Variants in NLRP13 observed in about 807,000 individuals in gnomAD.
The protein encoded by NLRP13 is NLR family pyrin domain containing 13, also known as NACHT, LRR and PYD domains-containing protein 13.
In NLRP13, 82 loss-of-function variants were observed where a neutral mutation model predicts 94.4. That is an observed-to-expected ratio of 0.87 (90% CI 0.73 to 1.04). The LOEUF (loss-of-function observed/expected upper bound fraction) is 1.04. Ranked by LOEUF, NLRP13 falls within the 50% of genes least tolerant of loss-of-function variation. NLRP13 has a pLI of 0.00. For synonymous variants in NLRP13, 553 were observed against 464.7 expected, an observed-to-expected ratio of 1.19 and a Z score of -2.45; for missense variants, 1,426 against 1,230.8, an observed-to-expected ratio of 1.16 and a Z score of -2.37.
chr19:55,897,609 G>A (rs187541205), intron 10 of NLRP13, among the ~76,000 whole-genome samples: 2 of 152,240 alleles, frequency 1.3e-5, no homozygotes, highest in Non-Finnish European at 2.9e-5. Context: ...TGATTTTTTT[G>A]AAGATAAACT....
At chr19:55,896,273 C>G (rs999418235) in intron 10 of NLRP13, among the ~76,000 whole-genome samples, 154 bp from the exon 11 acceptor site, 4 of 152,078 alleles carry the variant, frequency 2.6e-5, no homozygotes, top group South Asian at 4.2e-4. Flanking sequence ...GCCTGTAATC[C>G]CAGCACTTTG....
At chr19:55,927,498 A>C (rs565137839) in intron 1 of NLRP13, among the ~76,000 whole-genome samples, 1 of 150,292 alleles carries the variant, frequency 6.7e-6, no homozygotes, top group South Asian at 2.1e-4. Context: ...CCATTTGTAC[A>C]CCTGTGGAAG....
intron 10 of NLRP13, among the ~76,000 whole-genome samples, chr19:55,897,654 ATTTGGCACTG>A (rs757356188): frequency 2.6e-4 from 39 of 152,188 alleles, no homozygotes; most frequent in Non-Finnish European, 4.9e-4. Flanking sequence ...ACTATCTTAA[ATTTGGCACTG>A]CAGATAACGT....
Position 55,910,653 on chromosome 19 carries a change from A to C in NLRP13, c.2192T>G (p.Leu731Arg). ...ATGAAGTTTGCTGTTACTCAGGTCT[A>C]GCTCATGCAGATTCTCATTTGTGAC... ...TLVTNENLHE[L>R]DLSNSKLHAS... The change falls in exon 6 of 11, where the codon CTA becomes CGA. Residue 731 changes from leucine (L) to arginine (R), a missense_variant. Physicochemically the swap from Leu to Arg is moderately radical, Grantham distance 102. Transcript: ENST00000342929. 6.2e-7 allele frequency: 1 copy of C among 1,614,014 alleles called. No homozygotes were observed. The highest frequency in any genetic ancestry group is 1.1e-5 in the South Asian group (1 of 91,070).
intron 8 of NLRP13, among the ~76,000 whole-genome samples, chr19:55,902,564 C>T (rs1986217012): frequency 6.6e-6 from 1 of 152,220 alleles, no homozygotes; most frequent in Admixed American, 6.5e-5. Flanking sequence ...AGCTCCCGCA[C>T]TCCTTTCAGC....
chr19:55,911,936 T>G lies in NLRP13; in HGVS notation c.1881A>C (p.Glu627Asp). The G allele has an allele frequency of 6.2e-7, 1 of 1,614,184 alleles. No individual in the cohort carries two copies. Among genetic ancestry groups the G allele is most frequent in the Non-Finnish European group, 8.5e-7 (1 of 1,180,026 alleles). ...LKWGEELGKA[E>D]SASLQFHILR... The stretch of plus-strand genomic sequence containing the variant: ...GAATGTGAAATTGGAGAGAGGCACT[T>G]TCAGCCTTACCTAACTCTTCTCCCC... Residue 627 changes from glutamate (E) to aspartate (D), a missense_variant, in exon 5 of 11, where the codon GAA becomes GAC. Physicochemically the swap from Glu to Asp is conservative, Grantham distance 45 (BLOSUM62 2). Coordinates refer to ENST00000342929, the MANE Select transcript of NLRP13 (RefSeq NM_176810.2).
chr19:55,928,313 C>T (rs904100058), intron 1 of NLRP13, among the ~76,000 whole-genome samples: 1 of 152,200 alleles, frequency 6.6e-6, no homozygotes, highest in Non-Finnish European at 1.5e-5. Context: ...ACCCCATCTA[C>T]CCTGATGTGG....
At chr19:55,922,682 A>G (rs1986860918) in intron 4 of NLRP13, among the ~76,000 whole-genome samples, 1 of 152,194 alleles carries the variant, frequency 6.6e-6, no homozygotes, top group Admixed American at 6.5e-5. Context: ...GCCCTAGGAA[A>G]CTACTGTAGC....
intron 6 of NLRP13, 82 bp from the exon 7 acceptor site, chr19:55,908,038 T>C: frequency 8.0e-7 from 1 of 1,251,380 alleles, no homozygotes; most frequent in African/African-American, 1.5e-5. Flanking sequence ...CACCCTGCCT[T>C]CTACTACACT....
rs28434601 is a variant in NLRP13 at position 55,923,941 on chromosome 19, C to T, written c.496G>A (p.Glu166Lys). The change falls in exon 4 of 11, where the codon GAA becomes AAA. Residue 166 changes from glutamate (E) to lysine (K), a missense_variant. Transcript: ENST00000342929. ...QAQGCQDPNQ[E>K]EPEMLEEADH... is the part of the protein sequence containing the mutation. ...GCTTCCTCTAGCATCTCTGGTTCTT[C>T]TTGGTTTGGATCTTGGCATCCCTGG... The T allele has an allele frequency of 3.1e-4, 495 of 1,613,860 alleles. 4 individuals are homozygous for T. In the African/African-American group the frequency reaches 5.9e-3, roughly 19 times the overall value.
chr19:55,928,003 TAC>T (rs1359109099), intron 1 of NLRP13, among the ~76,000 whole-genome samples: 1 of 152,178 alleles, frequency 6.6e-6, no homozygotes, highest in East Asian at 1.9e-4. Context: ...ATACTCATGG[TAC>T]AGTTTCCTAG....
Position 55,911,890 on chromosome 19 carries a change from G to A in NLRP13, c.1927C>T (p.His643Tyr). The part of the protein sequence containing the change: ...FHILRLFHCL[H>Y]ESQEEDFTKK... The stretch of plus-strand genomic sequence containing the variant: ...GTGAAGTCTTCCTCCTGGGACTCGT[G>A]TAGGCAGTGAAAAAGTCGTAGAATG... The change falls in exon 5 of 11, where the codon CAC becomes TAC. Residue 643 changes from histidine (H) to tyrosine (Y), a missense_variant. Physicochemically the swap from His to Tyr is moderately conservative, Grantham distance 83 (BLOSUM62 2). Coordinates refer to ENST00000342929, the MANE Select transcript of NLRP13 (RefSeq NM_176810.2). The A allele has an allele frequency of 6.2e-7, 1 of 1,614,150 alleles. No individual in the cohort carries two copies. Among genetic ancestry groups the A allele is most frequent in the Non-Finnish European group, 8.5e-7 (1 of 1,179,974 alleles).
chr19:55,913,123 C>A lies in NLRP13; in HGVS notation c.694G>T (p.Val232Phe). 1.9e-6 allele frequency: 3 copies of A among 1,614,194 alleles called. No individual in the cohort carries two copies. The highest frequency in any genetic ancestry group is 1.7e-6 in the Non-Finnish European group (2 of 1,180,034). ...CCAACCCCTGCCCTCCCCACCAAGA[C>A]TATCGTCTGGGCCTGGGCTCTAGTC... ...NRTRAQAQTI[V>F]LVGRAGVGKT... The change falls in exon 5 of 11, where the codon GTC becomes TTC. Residue 232 changes from valine (V) to phenylalanine (F), a missense_variant. Physicochemically the swap from Val to Phe is conservative, Grantham distance 50. Transcript: ENST00000342929.
chr19:55,899,898 G>C (rs970891095), intron 9 of NLRP13, among the ~76,000 whole-genome samples: 1 of 151,608 alleles, frequency 6.6e-6, no homozygotes, highest in African/African-American at 2.4e-5. Flanking sequence ...GATTTCCCTA[G>C]AGTTTAGACA....
chr19:55,930,792 G>C (rs1205457375), intron 1 of NLRP13, among the ~76,000 whole-genome samples: 1 of 148,546 alleles, frequency 6.7e-6, no homozygotes, highest in Non-Finnish European at 1.5e-5. Context: ...TTTATAAAGT[G>C]ATGTGTGCAT....
chr19:55,918,068 C>G (rs1986715904), intron 4 of NLRP13, among the ~76,000 whole-genome samples: 1 of 151,868 alleles, frequency 6.6e-6, no homozygotes, highest in African/African-American at 2.4e-5. Context: ...GTATTTTTCT[C>G]AGACTACAGT....
chr19:55,905,923 C>A (rs1038268493), intron 7 of NLRP13, among the ~76,000 whole-genome samples: 5 of 152,102 alleles, frequency 3.3e-5, no homozygotes, highest in African/African-American at 7.2e-5. Context: ...CAGTTGAAAA[C>A]CCCTGGATTT....
At position 55,911,801 on chromosome 19, in the gene NLRP13, T is replaced by C. The variant is rs769570222; in HGVS notation, c.2016A>G (p.Gln672=). The C allele has an allele frequency of 7.4e-6, 12 of 1,614,060 alleles. No homozygotes were observed. The highest frequency in any genetic ancestry group is 8.5e-6 in the Non-Finnish European group (10 of 1,179,886). ...DLNILEDEEL[Q]ASSFCLKHCK... is the part of the protein sequence containing the mutation. ...AGTGCTTTAGGCAAAATGAAGAAGC[T>C]TGGAGTTCTTCGTCCTCCAAAATAT... Residue 672 remains glutamine, a synonymous_variant, in exon 5 of 11, where the codon CAA becomes CAG. Transcript: ENST00000342929.
At chr19:55,929,465 G>T (rs917024553) in intron 1 of NLRP13, among the ~76,000 whole-genome samples, 5 of 152,210 alleles carry the variant, frequency 3.3e-5, no homozygotes, top group Admixed American at 1.3e-4. Flanking sequence ...ATGAGTTCAT[G>T]TCCTTCGCAG....
Sources: gnomAD v4.1 joint callset for allele counts (sites outside exome capture counted in the v4.1 genomes callset) on GRCh38, gnomAD v4.1.1 for gene constraint, MANE v1.5 for transcripts, NCBI Gene and HGNC (gene_info 2026-07-23, HGNC 2026-07-21) for gene names.